Variants in BACE2 observed in about 807,000 individuals in gnomAD.
BACE2 encodes beta-secretase 2.
Under a neutral mutation model 46.2 loss-of-function variants are expected in BACE2, and 17 were observed. The ratio of observed to expected loss-of-function variants is 0.37; its 90% CI spans 0.25 to 0.55. The LOEUF is 0.55. Among genes scored for constraint, BACE2 ranks in the 20% least tolerant of loss-of-function variants. The probability of loss-of-function intolerance (pLI) is 0.82; values close to 1 mark genes in which losing one functional copy is unlikely to be tolerated. For missense variants in BACE2, 595 were observed against 698.1 expected, an observed-to-expected ratio of 0.85 and a Z score of 1.66; for synonymous variants, 277 against 295.9, an observed-to-expected ratio of 0.94 and a Z score of 0.66.
At chr21:41,191,548 C>T (rs28863274) in intron 1 of BACE2, among the ~76,000 whole-genome samples, 4,566 of 152,280 alleles carry the variant, frequency 0.03, 198 homozygotes, top group African/African-American at 0.1. Context: ...ATATAATCAA[C>T]CTGCTACCAG....
intron 2 of BACE2, among the ~76,000 whole-genome samples, chr21:41,228,411 A>G (rs993708482): frequency 2.6e-5 from 4 of 152,118 alleles, no homozygotes; most frequent in African/African-American, 9.7e-5. Flanking sequence ...GAGAATACCC[A>G]AGGCTGGGGA....
rs372210551 is a variant in BACE2 at position 41,275,694 on chromosome 21, C to T, written c.*70C>T. 36 of 1,566,856 alleles carry T rather than the reference C, an allele frequency of 2.3e-5. No individual in the cohort carries two copies. The highest frequency in any genetic ancestry group is 1.9e-4 in the Middle Eastern group (1 of 5,380). ...AAAATCACATTTCCAGGGCAGCAGCCGGGATCGATGGTGGCGCTTTCTCCT... is the reference window on the plus strand; with the variant it reads ...AAAATCACATTTCCAGGGCAGCAGCTGGGATCGATGGTGGCGCTTTCTCCT... On this transcript the variant is annotated 3_prime_UTR_variant, in exon 9 of 9. Coordinates refer to ENST00000330333, the MANE Select transcript of BACE2 (RefSeq NM_012105.5).
intron 1 of BACE2, among the ~76,000 whole-genome samples, chr21:41,215,956 A>G (rs919972063): frequency 2.0e-5 from 3 of 152,194 alleles, no homozygotes; most frequent in East Asian, 3.8e-4. Flanking sequence ...GGCAGGAAAT[A>G]ATTTTGGAAA....
chr21:41,179,674 G>A (rs561081592), intron 1 of BACE2: 4 of 1,335,262 alleles, frequency 3.0e-6, no homozygotes, highest in South Asian at 2.4e-5. Context: ...TAGAACAAAG[G>A]CCTTACAAAG....
intron 6 of BACE2, among the ~76,000 whole-genome samples, chr21:41,249,739 G>A (rs1017468655): frequency 4.6e-5 from 7 of 152,134 alleles, no homozygotes; most frequent in South Asian, 2.1e-4. Flanking sequence ...TGCCCCACGC[G>A]GGACCCTGCC....
chr21:41,168,222 G>T lies in BACE2; in HGVS notation c.-42G>T. On this transcript the variant is annotated 5_prime_UTR_variant, in exon 1 of 9. Coordinates refer to ENST00000330333, the MANE Select transcript of BACE2 (RefSeq NM_012105.5). ...GAGCCGCGGCTGCCGGACGGGACGG[G>T]ACCGGCTAGGCTGGGCGCGCCCCCC... 9.1e-7 allele frequency: 1 copy of T among 1,095,132 alleles called. No homozygotes were observed. The highest frequency in any genetic ancestry group is 4.4e-5 in the South Asian group (1 of 22,648). 67.8% of individuals were successfully genotyped at this position (1,095,132 alleles called of 1,614,324 possible).
intron 8 of BACE2, among the ~76,000 whole-genome samples, chr21:41,267,372 C>T (rs139603013): frequency 5.7e-4 from 87 of 152,272 alleles, no homozygotes; most frequent in South Asian, 4.6e-3. Context: ...AAGTGTCCTA[C>T]GGCTACGAAA....
intron 1 of BACE2, chr21:41,175,304 A>C (rs1164878098): frequency 3.9e-5 from 6 of 152,242 alleles, no homozygotes; most frequent in Non-Finnish European, 8.8e-5. Flanking sequence ...CGGCGCTGCC[A>C]TTGCAGGAAG....
intron 8 of BACE2, among the ~76,000 whole-genome samples, chr21:41,259,441 CT>C (rs5844072): frequency 0.41 from 60,725 of 147,154 alleles, 14,062 homozygotes; most frequent in East Asian, 0.69. Flanking sequence ...TGCTGCCTTT[CT>C]TTTTTTTTTT....
chr21:41,221,081 A>G (rs1008281269), intron 1 of BACE2, among the ~76,000 whole-genome samples: 2 of 150,206 alleles, frequency 1.3e-5, no homozygotes, highest in Non-Finnish European at 3.0e-5. Flanking sequence ...TGCCTTTGCC[A>G]TTGTTTTAGA....
intron 2 of BACE2, among the ~76,000 whole-genome samples, chr21:41,231,587 T>C (rs1388699240): frequency 6.6e-6 from 1 of 152,204 alleles, no homozygotes; most frequent in Non-Finnish European, 1.5e-5. Flanking sequence ...TCTGTAGCTC[T>C]TTTCCCCTCA....
At chr21:41,268,768 C>T (rs2050091800) in intron 8 of BACE2, among the ~76,000 whole-genome samples, 3 of 152,012 alleles carry the variant, frequency 2.0e-5, no homozygotes, top group Admixed American at 2.0e-4. Context: ...AAAAGTAATA[C>T]ATCTACATTG....
chr21:41,233,070 G>A lies in BACE2; in HGVS notation c.402-4443G>A, dbSNP rs185302958. Among the ~76,000 whole-genome samples the A allele has an allele frequency of 5.9e-3, 892 of 152,070 alleles. 6 individuals are homozygous for A. Among genetic ancestry groups the A allele is most frequent in the South Asian group, 0.014 (67 of 4,820 alleles). On this transcript the variant is annotated intron_variant, in intron 2 of 8. Coordinates refer to ENST00000330333, the MANE Select transcript of BACE2 (RefSeq NM_012105.5). ...TTTTCAGTAGAGACGGGGTTTCACC[G>A]TGTTAGCCAGGATAGTCTCGATCTC...
At chr21:41,203,052 T>C (rs138219357) in intron 1 of BACE2, among the ~76,000 whole-genome samples, 66 of 152,308 alleles carry the variant, frequency 4.3e-4, no homozygotes, top group Non-Finnish European at 2.9e-5. Flanking sequence ...GTGATACTTG[T>C]CTGGTCCTGT....
Position 41,257,407 on chromosome 21 carries a change from G to A in BACE2, c.1303+81G>A, listed in dbSNP as rs140379727. ...TGCTGACTTGGAAGCAATTCTTGATGGCAACTCAATTACCATTGAATTGTT... is the reference window on the plus strand; with the variant it reads ...TGCTGACTTGGAAGCAATTCTTGATAGCAACTCAATTACCATTGAATTGTT... On this transcript the variant is annotated intron_variant, in intron 8 of 8. Transcript: ENST00000330333. The A allele has an allele frequency of 1.5e-4, 221 of 1,466,940 alleles. No individual in the cohort carries two copies. In the African/African-American group the frequency reaches 2.7e-3, roughly 18 times the overall value. The allele number at this position is 1,466,940 out of a possible 1,614,324, so 90.9% of individuals were successfully genotyped here.
In BACE2 at chr21:41,254,071, G is replaced by T. The variant is rs554852466; in HGVS notation, c.1135-3087G>T. Among the ~76,000 whole-genome samples, 530 of 152,258 alleles carry T rather than the reference G, an allele frequency of 3.5e-3. 1 individual carries two copies. In the Middle Eastern group the frequency reaches 0.037, roughly 11 times the overall value. On this transcript the variant is annotated intron_variant, in intron 7 of 8. Transcript: ENST00000330333. ...AGGGTTCTTGTCCTCAGAGTTTTAGGATGGGGCCCTACCTGGGACCTCTCA... is the reference window on the plus strand; with the variant it reads ...AGGGTTCTTGTCCTCAGAGTTTTAGTATGGGGCCCTACCTGGGACCTCTCA...
At chr21:41,218,199 G>A (rs1986532976) in intron 1 of BACE2, among the ~76,000 whole-genome samples, 2 of 152,086 alleles carry the variant, frequency 1.3e-5, no homozygotes, top group Admixed American at 1.3e-4. Context: ...TTGTGGCTAT[G>A]GAAAGAATTC....
intron 1 of BACE2, among the ~76,000 whole-genome samples, chr21:41,222,741 C>T (rs938097584): frequency 6.6e-6 from 1 of 152,180 alleles, no homozygotes; most frequent in Non-Finnish European, 1.5e-5. Flanking sequence ...GAGGGGATGA[C>T]AGTGGTGTGG....
chr21:41,247,855 C>A (rs776106354), intron 6 of BACE2, among the ~76,000 whole-genome samples: 1 of 152,276 alleles, frequency 6.6e-6, no homozygotes, highest in Middle Eastern at 3.4e-3. Flanking sequence ...ATCACAAGGG[C>A]GCGTTGTGTG....
Sources: gnomAD v4.1 joint callset for allele counts (sites outside exome capture counted in the v4.1 genomes callset) on GRCh38, gnomAD v4.1.1 for gene constraint, MANE v1.5 for transcripts, NCBI Gene and HGNC (gene_info 2026-07-23, HGNC 2026-07-21) for gene names.